The following WASF3 variants were observed in gnomAD, a reference collection of about 807,000 sequenced individuals.
WASF3 encodes actin-binding protein WASF3.
Under a neutral mutation model 46.6 loss-of-function variants are expected in WASF3, and 11 were observed. The observed-to-expected ratio is 0.24, with a 90% CI of 0.15 to 0.39. The LOEUF is 0.39. WASF3 is among the 10% of genes least tolerant of loss of function. WASF3 has a pLI of 1.00. For missense variants in WASF3, 576 were observed against 669.8 expected, an observed-to-expected ratio of 0.86 and a Z score of 1.55; for synonymous variants, 242 against 259.7, an observed-to-expected ratio of 0.93 and a Z score of 0.65.
chr13:26,564,503 G>A (rs1172180501), intron 1 of WASF3, among the ~76,000 whole-genome samples: 1 of 152,154 alleles, frequency 6.6e-6, no homozygotes, highest in Non-Finnish European at 1.5e-5. Flanking sequence ...TTCCTCTAGT[G>A]CATGCTGAAG....
intron 3 of WASF3, among the ~76,000 whole-genome samples, chr13:26,660,899 G>A (rs1214861872): frequency 6.6e-6 from 1 of 152,170 alleles, no homozygotes; most frequent in Non-Finnish European, 1.5e-5. Context: ...GCCTCAGAAA[G>A]TTTCCGCTCA....
chr13:26,566,866 G>C (rs1879482126), intron 1 of WASF3, among the ~76,000 whole-genome samples: 1 of 152,214 alleles, frequency 6.6e-6, no homozygotes, highest in Non-Finnish European at 1.5e-5. Flanking sequence ...AGTCTGACTG[G>C]AACTTGTGTG....
the WASF3 span, among the ~76,000 whole-genome samples, chr13:26,540,440 G>A: frequency 6.6e-6 from 1 of 152,300 alleles, no homozygotes; most frequent in Admixed American, 6.5e-5. Context: ...GCAACCTCGA[G>A]CATTGGCCTG....
At chr13:26,543,426 A>G in the WASF3 span, among the ~76,000 whole-genome samples, 1 of 152,204 alleles carries the variant, frequency 6.6e-6, no homozygotes, top group East Asian at 1.9e-4. Context: ...AATTTCTAGA[A>G]TACAATAGAC....
chr13:26,672,005 A>G lies in WASF3; in HGVS notation c.540+16A>G. ...GCGTCAAAAGGTAAATAATTTCAGTATGGGAAATGTGCATATCAGTGTTCA... is the reference window on the plus strand; with the variant it reads ...GCGTCAAAAGGTAAATAATTTCAGTGTGGGAAATGTGCATATCAGTGTTCA... On this transcript the variant is annotated intron_variant, in intron 6 of 9. Coordinates refer to ENST00000335327, the MANE Select transcript of WASF3 (RefSeq NM_006646.6). The G allele has an allele frequency of 6.5e-7, 1 of 1,529,988 alleles. No individual in the cohort carries two copies. 94.8% of individuals were successfully genotyped at this position (1,529,988 alleles called of 1,614,324 possible).
intron 3 of WASF3, among the ~76,000 whole-genome samples, chr13:26,652,348 C>A (rs932883507): frequency 6.6e-6 from 1 of 152,118 alleles, no homozygotes; most frequent in African/African-American, 2.4e-5. Flanking sequence ...ATGTACCTAA[C>A]AAGAGGACTG....
At chr13:26,570,418 C>G (rs1014389901) in intron 1 of WASF3, among the ~76,000 whole-genome samples, 7 of 152,148 alleles carry the variant, frequency 4.6e-5, no homozygotes, top group African/African-American at 1.7e-4. Context: ...CTCTCATATC[C>G]CTTTGACTGT....
intron 3 of WASF3, among the ~76,000 whole-genome samples, chr13:26,663,498 A>G (rs894702731): frequency 6.6e-6 from 1 of 152,232 alleles, no homozygotes; most frequent in Non-Finnish European, 1.5e-5. Flanking sequence ...CCAGAAGACC[A>G]TGCTGTGGAT....
intron 1 of WASF3, among the ~76,000 whole-genome samples, chr13:26,602,532 A>G (rs1880671879): frequency 1.3e-5 from 2 of 152,164 alleles, no homozygotes; most frequent in South Asian, 4.1e-4. Flanking sequence ...GAATGTAGAC[A>G]TGTTGTAAAA....
intron 1 of WASF3, among the ~76,000 whole-genome samples, chr13:26,572,171 TTTAA>T (rs1879656349): frequency 1.3e-5 from 2 of 152,244 alleles, no homozygotes; most frequent in Admixed American, 1.3e-4. Context: ...TGTTTGTGCC[TTTAA>T]TTGTTTTCTG....
rs1883451212 is a variant in WASF3, at chr13:26,687,713, C to CTT, written c.*1869_*1870insTT. 1.8e-5 allele frequency: 1 copy of CTT among 55,192 alleles called. No homozygotes were observed. The highest frequency in any genetic ancestry group is 5.3e-5 in the Non-Finnish European group (1 of 18,794). 3.4% of individuals were successfully genotyped at this position (55,192 alleles called of 1,614,324 possible). Reference sequence around the variant, plus strand: ...ATGAACTTCTAAATTTCTAATTTCTCTCTCTCTCTCTTTTTTTTTTTTTTG... The same window carrying CTT: ...ATGAACTTCTAAATTTCTAATTTCTCTTTCTCTCTCTCTTTTTTTTTTTTTTG... On this transcript the variant is annotated 3_prime_UTR_variant, in exon 10 of 10. Coordinates refer to ENST00000335327, the MANE Select transcript of WASF3 (RefSeq NM_006646.6).
intron 9 of WASF3, 67 bp downstream of exon 9, chr13:26,683,041 T>C (rs1211315549): frequency 1.9e-6 from 3 of 1,542,228 alleles, no homozygotes; most frequent in East Asian, 4.5e-5. Flanking sequence ...TCCAGCCAGC[T>C]ACAGCCTCCT....
intron 6 of WASF3, among the ~76,000 whole-genome samples, chr13:26,676,217 T>C (rs573192712): frequency 6.6e-6 from 1 of 152,338 alleles, no homozygotes; most frequent in East Asian, 1.9e-4. Context: ...TCCAGGTTGT[T>C]CACCCATGTA....
intron 1 of WASF3, among the ~76,000 whole-genome samples, chr13:26,564,907 T>TG (rs1879413190): frequency 6.9e-6 from 1 of 145,422 alleles, no homozygotes; most frequent in Non-Finnish European, 1.5e-5. Flanking sequence ...GTGGTTTTTT[T>TG]TTTTTTTTTT....
At chr13:26,562,227 G>A (rs1879314985) in intron 1 of WASF3, among the ~76,000 whole-genome samples, 1 of 152,172 alleles carries the variant, frequency 6.6e-6, no homozygotes, top group South Asian at 2.1e-4. Context: ...GAGATCTGAG[G>A]CACTCTTGTG....
chr13:26,626,537 T>A (rs1881468091), intron 2 of WASF3, among the ~76,000 whole-genome samples: 1 of 152,128 alleles, frequency 6.6e-6, no homozygotes, highest in South Asian at 2.1e-4. Context: ...TTCAGCCACA[T>A]CAACAATTAC....
chr13:26,644,207 G>A (rs1258218336), intron 3 of WASF3, among the ~76,000 whole-genome samples: 1 of 152,194 alleles, frequency 6.6e-6, no homozygotes, highest in Non-Finnish European at 1.5e-5. Context: ...AAGGAAATTG[G>A]TTCTCTCCTG....
At chr13:26,685,105 T>C (rs1204381108) in intron 9 of WASF3, among the ~76,000 whole-genome samples, 7 of 141,728 alleles carry the variant, frequency 4.9e-5, no homozygotes. Flanking sequence ...AAAAAAAAAA[T>C]GGATAAACAT....
the WASF3 span, among the ~76,000 whole-genome samples, chr13:26,549,058 T>C: frequency 6.6e-6 from 1 of 151,714 alleles, no homozygotes; most frequent in East Asian, 1.9e-4. Context: ...CTCGGCTCAC[T>C]GCAACCTCCG....
Sources: gnomAD v4.1 joint callset for allele counts (sites outside exome capture counted in the v4.1 genomes callset) on GRCh38, gnomAD v4.1.1 for gene constraint, MANE v1.5 for transcripts, NCBI Gene and HGNC (gene_info 2026-07-23, HGNC 2026-07-21) for gene names.